POM121: variants seen among roughly 807,000 people sequenced by gnomAD.
POM121 encodes the protein nuclear envelope pore membrane protein POM 121.
In POM121, 32 loss-of-function variants were observed where a neutral mutation model predicts 81.3. That is an observed-to-expected ratio of 0.39 (90% confidence interval 0.30 to 0.53). The LOEUF (loss-of-function observed/expected upper bound fraction) is 0.53, where lower values mean the gene tolerates loss of function less well. Ranked by LOEUF, POM121 falls within the 20% of genes least tolerant of loss-of-function variation. The pLI, the probability that POM121 is intolerant of heterozygous loss-of-function variation, is 0.66. For missense variants in POM121, 1,138 were observed against 1,614.6 expected (o/e 0.70, Z 5.06); for synonymous variants, 514 against 694.2 (o/e 0.74, Z 4.08).
chr7:72,939,641 G>A (rs1210349157), intron 7 of POM121, among the ~76,000 whole-genome samples: 1 of 152,178 alleles, frequency 6.6e-6, no homozygotes, highest in African/African-American at 2.4e-5. Flanking sequence ...AGTCACCTGT[G>A]GGTGATCCCA....
intron 3 of POM121, among the ~76,000 whole-genome samples, chr7:72,896,115 G>C (rs551655177): frequency 6.6e-6 from 1 of 151,650 alleles, no homozygotes; most frequent in East Asian, 1.9e-4. Context: ...TTTCTAGCCC[G>C]TTGTCAATCT....
At chr7:72,931,508 A>G (rs1209716850) in intron 5 of POM121, among the ~76,000 whole-genome samples, 2 of 151,702 alleles carry the variant, frequency 1.3e-5, no homozygotes, top group Admixed American at 1.3e-4. Context: ...ATTTGATTTT[A>G]TATTTTTATG....
At chr7:72,909,927 A>G (rs575134205) in intron 3 of POM121, among the ~76,000 whole-genome samples, 3 of 152,364 alleles carry the variant, frequency 2.0e-5, no homozygotes, top group South Asian at 4.1e-4. Context: ...GATTACAGGC[A>G]TGAGCCACTG....
downstream of POM121, chr7:72,949,470 C>T (rs1198344554): frequency 6.3e-6 from 10 of 1,582,770 alleles, no homozygotes; most frequent in East Asian, 1.1e-4. Context: ...GCCTGGCATC[C>T]AGGTCAAAGG....
At position 72,942,875 on chromosome 7, in the gene POM121, C is replaced by T. The variant is rs1554501873; in HGVS notation, c.2882C>T (p.Pro961Leu). Residue 961 changes from proline to leucine, a missense_variant, in exon 11 of 13, where the codon CCA (proline) becomes CTA (leucine). Pro to Leu is a moderately conservative substitution (Grantham distance 98). This residue lies in a region of POM121 where 45 missense variants were observed against 75.7 expected (regional missense o/e 0.59). Coordinates refer to ENST00000434423, the MANE Select transcript of POM121 (RefSeq NM_001387691.1). ...PFGSSAKSPL[P>L]SYPGANPQPA... ...GGCTCAAGCGCCAAGTCCCCGCTCC[C>T]ATCATATCCGGGAGCCAACCCCCAG... 7 of 1,593,346 alleles carry T rather than the reference C, an allele frequency of 4.4e-6. 1 individual carries two copies. Among genetic ancestry groups the T allele is most frequent in the Admixed American group, 3.5e-5 (2 of 56,872 alleles).
chr7:72,890,275 A>C lies in POM121; in HGVS notation c.-520-352A>C, dbSNP rs1410567585. On this transcript the variant is annotated intron_variant, in intron 1 of 15. Transcript: ENST00000395270. ...CGGAGAAGGGGAGCGCCTGGCAGCA[A>C]AGAAGACTAAAAGAAGTGACAAGGA... 1.4e-3 allele frequency among the ~76,000 whole-genome samples: 218 copies of C among 152,320 alleles called. 1 individual carries two copies. The highest frequency in any genetic ancestry group is 0.014 in the Admixed American group (215 of 15,296).
At chr7:72,904,696 T>C (rs1317504504) in intron 3 of POM121, among the ~76,000 whole-genome samples, 3 of 152,170 alleles carry the variant, frequency 2.0e-5, no homozygotes, top group Non-Finnish European at 4.4e-5. Context: ...CAGTGTTCAT[T>C]TGGAGTATTA....
Position 72,948,120 on chromosome 7 carries a change from C to A in POM121, c.*1886C>A. ...GCAGGCAGGACAGCCGGTCCGGGAA[C>A]CCTGAGTGAGAATGAGTGTGGATGT... is the stretch of plus-strand genomic sequence containing the variant. On this transcript the variant is annotated 3_prime_UTR_variant, in exon 13 of 13. Transcript: ENST00000434423. 7.2e-7 allele frequency: 1 copy of A among 1,397,152 alleles called. No homozygotes were observed. The highest frequency in any genetic ancestry group is 9.3e-7 in the Non-Finnish European group (1 of 1,078,244). The allele number at this position is 1,397,152 out of a possible 1,614,324, so 86.5% of individuals were successfully genotyped here.
rs1554496906 is a variant in POM121, at chr7:72,925,249, G to T, written c.128G>T (p.Gly43Val). ...RAVLLGLSLV[G>V]LLLYLVPAAA... ...GTGCTCCTGGGCCTGTCGCTGGTTG[G>T]CCTCTTACTGTACCTCGTGCCGGCT... Residue 43 changes from glycine (G) to valine (V), a missense_variant, in exon 1 of 13, where the codon GGC (glycine) becomes GTC (valine). Physicochemically the swap from Gly to Val is moderately radical, Grantham distance 109. Coordinates refer to ENST00000434423, the MANE Select transcript of POM121 (RefSeq NM_001387691.1). 1 of 1,534,306 alleles carries T rather than the reference G, an allele frequency of 6.5e-7. No homozygotes were observed. Among genetic ancestry groups the T allele is most frequent in the Non-Finnish European group, 8.7e-7 (1 of 1,146,254 alleles).
chr7:72,950,740 C>T (rs1206939446), downstream of POM121: 1 of 71,146 alleles, frequency 1.4e-5, no homozygotes, highest in Non-Finnish European at 2.7e-5. Context: ...GTTCAGAAAT[C>T]TATCGAAGTG....
intron 5 of POM121, among the ~76,000 whole-genome samples, chr7:72,933,286 A>G (rs1246717130): frequency 6.6e-6 from 1 of 151,604 alleles, no homozygotes; most frequent in Non-Finnish European, 1.5e-5. Flanking sequence ...CCTGAAAGGC[A>G]GAGGTCAAGT....
chr7:72,902,428 A>C (rs1554492810), intron 3 of POM121, among the ~76,000 whole-genome samples: 1 of 151,300 alleles, frequency 6.6e-6, no homozygotes, highest in African/African-American at 2.4e-5. Context: ...ATGCCTGGCT[A>C]ATTTTTGTAT....
chr7:72,891,226 T>C (rs1284125118), intron 3 of POM121: 31 of 543,910 alleles, frequency 5.7e-5, no homozygotes, highest in Non-Finnish European at 1.0e-4. Flanking sequence ...CCCCCAAATA[T>C]CACTTTCCTT....
At position 72,925,521 on chromosome 7, in the gene POM121, C is replaced by G; in HGVS notation, c.400C>G (p.Leu134Val). Residue 134 changes from leucine (L) to valine (V), a missense_variant, in exon 1 of 13, where the codon CTG (leucine) becomes GTG (valine). Physicochemically the swap from Leu to Val is conservative, Grantham distance 32 (BLOSUM62 1). Transcript: ENST00000434423. ...GCTCGAAGGACCTGACCCTGCGGAACTGCTACTCATGGGCAGTTACCTGGG... is the reference window on the plus strand; with the variant it reads ...GCTCGAAGGACCTGACCCTGCGGAAGTGCTACTCATGGGCAGTTACCTGGG... ...TLLEGPDPAE[L>V]LLMGSYLGKP... 1.3e-6 allele frequency: 2 copies of G among 1,533,456 alleles called. No individual in the cohort carries two copies. The highest frequency in any genetic ancestry group is 8.7e-7 in the Non-Finnish European group (1 of 1,146,442). The allele number at this position is 1,533,456 out of a possible 1,614,324, so 95.0% of individuals were successfully genotyped here. A position where few individuals can be genotyped will look rare whatever the true frequency, so the allele number is the denominator to read the frequency against.
At chr7:72,939,529 A>C (rs2129579804) in intron 7 of POM121, 120 bp downstream of exon 7, 1 of 1,413,646 alleles carries the variant, frequency 7.1e-7, no homozygotes, top group East Asian at 2.5e-5. Flanking sequence ...GGCATGTTAG[A>C]TACAAAGAGA....
chr7:72,911,916 G>A (rs1793845168), intron 3 of POM121, among the ~76,000 whole-genome samples: 1 of 152,196 alleles, frequency 6.6e-6, no homozygotes, highest in Non-Finnish European at 1.5e-5. Flanking sequence ...TTTAAGAGCA[G>A]GGTTGCACTC....
chr7:72,894,577 A>T (rs868939644), intron 3 of POM121, among the ~76,000 whole-genome samples: 5 of 134,692 alleles, frequency 3.7e-5, no homozygotes, highest in African/African-American at 8.8e-5. Context: ...AAACTTCATT[A>T]AAAAAAAAAA....
At chr7:72,921,297 T>C (rs1794800454), upstream of POM121, among the ~76,000 whole-genome samples, 1 of 152,196 alleles carries the variant, frequency 6.6e-6, no homozygotes, top group African/African-American at 2.4e-5. Flanking sequence ...CATGGTCCCT[T>C]CAAGTTGACA....
intron 5 of POM121, among the ~76,000 whole-genome samples, chr7:72,931,714 G>A (rs1256165011): frequency 6.6e-6 from 1 of 151,982 alleles, no homozygotes; most frequent in Non-Finnish European, 1.5e-5. Flanking sequence ...GAGACTATAG[G>A]TGCCCGCCAC....
Sources: allele counts gnomAD v4.1 joint callset (sites outside exome capture counted in the v4.1 genomes callset), GRCh38; gene constraint gnomAD v4.1.1; regional missense constraint gnomAD v4.1.1; transcripts MANE v1.5; gene names NCBI Gene and HGNC (gene_info 2026-07-23, HGNC 2026-07-21).